Variants in CALCR observed in about 807,000 individuals in gnomAD.
CALCR encodes calcitonin receptor.
A neutral mutation model predicts 59.5 loss-of-function variants in CALCR; 47 were observed. That is an observed-to-expected ratio of 0.79 (90% confidence interval 0.63 to 1.01). The LOEUF (loss-of-function observed/expected upper bound fraction) is 1.01, where lower values mean the gene tolerates loss of function less well. Ranked by LOEUF, CALCR falls within the 50% of genes least tolerant of loss-of-function variation. The pLI is 0.00. For missense variants in CALCR, 566 were observed against 597.1 expected (o/e 0.95, Z 0.54); for synonymous variants, 213 against 211.3 (o/e 1.01, Z -0.07).
chr7:93,528,775 A>G (rs1206667705), intron 2 of CALCR, among the ~76,000 whole-genome samples: 1 of 152,210 alleles, frequency 6.6e-6, no homozygotes, highest in Non-Finnish European at 1.5e-5. Flanking sequence ...TTGAAGTTCC[A>G]TAATACTAAT....
At chr7:93,568,586 CT>C (rs574143464) in intron 2 of CALCR, among the ~76,000 whole-genome samples, 1 of 143,230 alleles carries the variant, frequency 7.0e-6, no homozygotes, top group Admixed American at 7.4e-5. Context: ...TCATCTCTGT[CT>C]TTTTTTTGCA....
chr7:93,480,474 C>T (rs1032120220), intron 3 of CALCR, among the ~76,000 whole-genome samples: 3 of 151,744 alleles, frequency 2.0e-5, no homozygotes, highest in Non-Finnish European at 2.9e-5. Context: ...CTATCATACC[C>T]GTTGAAATTT....
chr7:93,528,407 C>T (rs1788734917), intron 2 of CALCR, among the ~76,000 whole-genome samples: 1 of 152,102 alleles, frequency 6.6e-6, no homozygotes, highest in Non-Finnish European at 1.5e-5. Flanking sequence ...AGGTATATCC[C>T]CTAATGCTAT....
rs376486752 is a variant in CALCR at position 93,536,506 on chromosome 7, T to C, written c.-27+37783A>G. On this transcript the variant is annotated intron_variant, in intron 2 of 13. Transcript: ENST00000426151. ...TAGAGAATAGTGGACTGCATCATCT[T>C]TTTCTTTTCCCCCAAGAGGAAACCT... is the stretch of plus-strand genomic sequence containing the variant. Among the ~76,000 whole-genome samples, 132 of 151,632 alleles carry C rather than the reference T, an allele frequency of 8.7e-4. No individual in the cohort carries two copies. In the South Asian group the frequency reaches 0.018, roughly 21 times the overall value.
intron 2 of CALCR, among the ~76,000 whole-genome samples, chr7:93,532,426 C>A (rs1438752628): frequency 2.0e-5 from 3 of 151,850 alleles, no homozygotes; most frequent in African/African-American, 7.3e-5. Flanking sequence ...CCTCTTTTTG[C>A]CTTAGGCAGA....
intron 2 of CALCR, among the ~76,000 whole-genome samples, chr7:93,566,854 C>A (rs531258494): frequency 2.6e-4 from 40 of 152,164 alleles, no homozygotes; most frequent in Middle Eastern, 3.4e-3. Context: ...TATTAACTTG[C>A]GGAAAATCAG....
rs571604971 is a variant in CALCR at position 93,504,657 on chromosome 7, CT to C, written c.-26-17651del. Among the ~76,000 whole-genome samples, 83 of 152,184 alleles carry C rather than the reference CT, an allele frequency of 5.5e-4. 1 individual carries two copies. Among genetic ancestry groups the C allele is most frequent in the Non-Finnish European group, 5.9e-5 (4 of 67,996 alleles). ...CCTCAACTACTATTCCTTTTCTTTC[CT>C]TTTTCCCCCTAAGCAAAACTGTATT... On this transcript the variant is annotated intron_variant, in intron 2 of 13. Transcript: ENST00000426151.
intron 2 of CALCR, among the ~76,000 whole-genome samples, chr7:93,493,908 T>C (rs1442302458): frequency 2.0e-5 from 3 of 151,408 alleles, no homozygotes; most frequent in Non-Finnish European, 4.4e-5. Context: ...AGTTGGAGTT[T>C]TTGAGATGTA....
At chr7:93,494,278 G>T (rs1318208317) in intron 2 of CALCR, among the ~76,000 whole-genome samples, 1 of 151,374 alleles carries the variant, frequency 6.6e-6, no homozygotes. Context: ...TGACTCAACA[G>T]TGTTATTAAA....
chr7:93,442,776 C>T (rs1799934782), intron 9 of CALCR, among the ~76,000 whole-genome samples: 1 of 152,136 alleles, frequency 6.6e-6, no homozygotes, highest in African/African-American at 2.4e-5. Flanking sequence ...GCTCTATAGT[C>T]AGTGAGGGAT....
intron 2 of CALCR, among the ~76,000 whole-genome samples, chr7:93,546,862 G>A (rs921567360): frequency 1.3e-5 from 2 of 151,994 alleles, no homozygotes; most frequent in African/African-American, 4.8e-5. Flanking sequence ...CACCCTGCAC[G>A]ACTTCTAATT....
intron 2 of CALCR, among the ~76,000 whole-genome samples, chr7:93,515,005 A>G (rs1296891910): frequency 2.0e-5 from 3 of 152,042 alleles, no homozygotes; most frequent in Admixed American, 2.0e-4. Flanking sequence ...AGCAACATCT[A>G]TGTCCTTTCT....
intron 3 of CALCR, among the ~76,000 whole-genome samples, chr7:93,484,291 A>C (rs369878216): frequency 6.6e-6 from 1 of 151,800 alleles, no homozygotes; most frequent in East Asian, 2.0e-4. Flanking sequence ...GGTTACAGGC[A>C]GTTTCTAGAA....
intron 2 of CALCR, among the ~76,000 whole-genome samples, chr7:93,520,912 C>A (rs1023940947): frequency 6.6e-6 from 1 of 151,960 alleles, no homozygotes; most frequent in South Asian, 2.1e-4. Flanking sequence ...GTGTTGGAGA[C>A]CATTAGCAAC....
intron 2 of CALCR, among the ~76,000 whole-genome samples, chr7:93,568,535 C>CTT (rs1563023997): frequency 7.4e-6 from 1 of 135,094 alleles, no homozygotes; most frequent in Non-Finnish European, 1.7e-5. Context: ...CTCTCTCTCT[C>CTT]TCTCTCTCTC....
intron 2 of CALCR, among the ~76,000 whole-genome samples, chr7:93,534,791 C>A (rs1227462092): frequency 6.6e-6 from 1 of 151,620 alleles, no homozygotes; most frequent in African/African-American, 2.4e-5. Context: ...ACAGCTGTTA[C>A]AAGAAATATT....
chr7:93,471,773 A>C (rs1178438403), intron 6 of CALCR, among the ~76,000 whole-genome samples: 2 of 151,792 alleles, frequency 1.3e-5, no homozygotes, highest in African/African-American at 4.8e-5. Flanking sequence ...CCCACTCGCC[A>C]TTTGCTTAGA....
intron 8 of CALCR, among the ~76,000 whole-genome samples, chr7:93,456,904 C>A (rs1275426212): frequency 1.3e-5 from 2 of 152,250 alleles, no homozygotes; most frequent in East Asian, 3.9e-4. Context: ...ATCTCACACT[C>A]ATATTCTCCT....
chr7:93,534,796 A>G (rs1788944031), intron 2 of CALCR, among the ~76,000 whole-genome samples: 1 of 151,754 alleles, frequency 6.6e-6, no homozygotes, highest in African/African-American at 2.4e-5. Flanking sequence ...TGTTACAAGA[A>G]ATATTTATTC....
Sources: allele counts gnomAD v4.1 joint callset (sites outside exome capture counted in the v4.1 genomes callset), GRCh38; gene constraint gnomAD v4.1.1; transcripts MANE v1.5; gene names NCBI Gene and HGNC (gene_info 2026-07-23, HGNC 2026-07-21).